The following AGBL1 variants were observed in gnomAD, a reference collection of about 807,000 sequenced individuals.
The protein encoded by AGBL1 is cytosolic carboxypeptidase 4.
Under a neutral mutation model 118.9 loss-of-function variants are expected in AGBL1, and 130 were observed. The ratio of observed to expected loss-of-function variants is 1.09; its 90% CI spans 0.95 to 1.26. The LOEUF is 1.26. Among genes scored for constraint, AGBL1 ranks in the 50% most tolerant of loss-of-function variants. The pLI, the probability that AGBL1 is intolerant of heterozygous loss-of-function variation, is 0.00. For missense variants in AGBL1, 1,584 were observed against 1,298.1 expected, an observed-to-expected ratio of 1.22 and a Z score of -3.38; for synonymous variants, 555 against 478.9, an observed-to-expected ratio of 1.16 and a Z score of -2.08.
chr15:86,153,537 A>G (rs2141686954), intron 3 of AGBL1, among the ~76,000 whole-genome samples: 1 of 152,326 alleles, frequency 6.6e-6, no homozygotes, highest in South Asian at 2.1e-4. Context: ...GAGGGATAGC[A>G]TTAGGAGAAA....
intron 1 of AGBL1, among the ~76,000 whole-genome samples, chr15:86,117,274 A>G (rs893191645): frequency 2.0e-5 from 3 of 152,088 alleles, no homozygotes; most frequent in Non-Finnish European, 4.4e-5. Context: ...TCTGTTACTA[A>G]GGAAAATGGG....
intron 22 of AGBL1, among the ~76,000 whole-genome samples, chr15:86,730,590 C>T (rs1040597585): frequency 6.6e-6 from 1 of 152,102 alleles, no homozygotes; most frequent in East Asian, 1.9e-4. Context: ...CAGTTAAGTG[C>T]ATGGGCTGCC....
At chr15:86,610,698 C>G (rs2084643401) in intron 21 of AGBL1, among the ~76,000 whole-genome samples, 1 of 152,154 alleles carries the variant, frequency 6.6e-6, no homozygotes, top group Non-Finnish European at 1.5e-5. Flanking sequence ...CTGCTTCATA[C>G]TTTGTTGAGA....
intron 23 of AGBL1, among the ~76,000 whole-genome samples, chr15:86,956,723 G>T (rs193189060): frequency 6.7e-4 from 102 of 152,148 alleles, no homozygotes; most frequent in Non-Finnish European, 1.3e-3. Flanking sequence ...GGTCACCATT[G>T]TTTAACCAAG....
intron 24 of AGBL1, among the ~76,000 whole-genome samples, chr15:87,012,546 G>A (rs1040184769): frequency 6.6e-6 from 1 of 152,012 alleles, no homozygotes; most frequent in African/African-American, 2.4e-5. Context: ...ATGTACCACT[G>A]ATGGAAACAG....
At chr15:86,509,873 C>T (rs906225130) in intron 18 of AGBL1, among the ~76,000 whole-genome samples, 31 of 151,942 alleles carry the variant, frequency 2.0e-4, no homozygotes, top group African/African-American at 6.0e-4. Context: ...AAAACAACAT[C>T]TCTGAGCCAA....
At chr15:86,183,906 T>A (rs563403114) in intron 5 of AGBL1, among the ~76,000 whole-genome samples, 10 of 151,994 alleles carry the variant, frequency 6.6e-5, no homozygotes, top group Admixed American at 5.2e-4. Context: ...AGATCAAGAG[T>A]CAATGAGGCA....
chr15:86,936,755 T>C (rs980630880), intron 23 of AGBL1, among the ~76,000 whole-genome samples: 2 of 152,158 alleles, frequency 1.3e-5, no homozygotes, highest in African/African-American at 4.8e-5. Flanking sequence ...AAAGATTTCA[T>C]AACAAAGACA....
At chr15:86,715,783 G>T (rs1269014381) in intron 22 of AGBL1, among the ~76,000 whole-genome samples, 1 of 152,154 alleles carries the variant, frequency 6.6e-6, no homozygotes, top group African/African-American at 2.4e-5. Flanking sequence ...ATCAGGCCGG[G>T]TGCGGTGGCT....
intron 19 of AGBL1, among the ~76,000 whole-genome samples, chr15:86,528,471 T>G (rs1331871768): frequency 1.3e-5 from 2 of 151,836 alleles, no homozygotes; most frequent in Non-Finnish European, 2.9e-5. Context: ...CCACGGAATC[T>G]CGCTGATTGC....
intron 13 of AGBL1, among the ~76,000 whole-genome samples, chr15:86,269,341 T>G (rs2079120718): frequency 6.6e-6 from 1 of 152,238 alleles, no homozygotes; most frequent in Non-Finnish European, 1.5e-5. Context: ...ATTTTCCGTA[T>G]GTGGAAATTG....
intron 17 of AGBL1, among the ~76,000 whole-genome samples, chr15:86,349,304 C>G (rs547599971): frequency 1.4e-4 from 21 of 152,294 alleles, no homozygotes; most frequent in African/African-American, 4.8e-4. Context: ...TGGTGCTAGA[C>G]AGTCTACAAT....
At chr15:86,263,461 G>A (rs1285286416) in intron 10 of AGBL1, among the ~76,000 whole-genome samples, 1 of 152,218 alleles carries the variant, frequency 6.6e-6, no homozygotes, top group Non-Finnish European at 1.5e-5. Flanking sequence ...GTTAGGTAAT[G>A]CATGACTGTA....
intron 22 of AGBL1, among the ~76,000 whole-genome samples, chr15:86,697,786 A>ATTT (rs1478914936): frequency 4.6e-5 from 7 of 151,824 alleles, no homozygotes; most frequent in Non-Finnish European, 1.0e-4. Context: ...TGTTCCTTTG[A>ATTT]TGTAATACTC....
At chr15:86,801,310 CATCTATCTATCTATCTATCT>C (rs10629012) in intron 22 of AGBL1, among the ~76,000 whole-genome samples, 2 of 147,194 alleles carry the variant, frequency 1.4e-5, no homozygotes, top group African/African-American at 5.0e-5. Flanking sequence ...TTGATGATTA[CATCTATCTATCTATCTATCT>C]ATCTATCTAT....
intron 17 of AGBL1, among the ~76,000 whole-genome samples, chr15:86,330,420 A>G (rs2080251734): frequency 6.6e-6 from 1 of 152,224 alleles, no homozygotes; most frequent in Non-Finnish European, 1.5e-5. Flanking sequence ...CTACGGTCAC[A>G]TTCCGTAGGG....
chr15:86,439,288 G>T (rs2082034378), intron 18 of AGBL1, among the ~76,000 whole-genome samples: 1 of 152,064 alleles, frequency 6.6e-6, no homozygotes, highest in African/African-American at 2.4e-5. Context: ...TCACTCAAGG[G>T]TCGCAAATTT....
intron 22 of AGBL1, among the ~76,000 whole-genome samples, chr15:86,832,404 C>T (rs2079117607): frequency 6.6e-6 from 1 of 152,180 alleles, no homozygotes; most frequent in South Asian, 2.1e-4. Flanking sequence ...CCAATTCCAA[C>T]CATCATAGCT....
At position 86,361,201 on chromosome 15, in the gene AGBL1, A is replaced by T. The variant is rs964736999; in HGVS notation, c.2375-36165A>T. 7.9e-5 allele frequency among the ~76,000 whole-genome samples: 12 copies of T among 151,972 alleles called. No homozygotes were observed. In the South Asian group the frequency reaches 1.0e-3, roughly 13 times the overall value. Reference sequence around the variant, plus strand: ...TCAAAATGTTTTTAACATTTTAAAAATTTTTTTGGCCCAAAGGTTGTTAGA... The same window carrying T: ...TCAAAATGTTTTTAACATTTTAAAATTTTTTTTGGCCCAAAGGTTGTTAGA... On this transcript the variant is annotated intron_variant, in intron 17 of 22. Coordinates refer to ENST00000614907, the MANE Select transcript of AGBL1 (RefSeq NM_001386094.1).
Sources: gnomAD v4.1 joint callset for allele counts (sites outside exome capture counted in the v4.1 genomes callset) on GRCh38, gnomAD v4.1.1 for gene constraint, MANE v1.5 for transcripts, NCBI Gene and HGNC (gene_info 2026-07-23, HGNC 2026-07-21) for gene names.